JAK2: variants seen among roughly 807,000 people sequenced by gnomAD.
JAK2 encodes the protein Janus kinase 2, also known as tyrosine-protein kinase JAK2.
JAK2 carries 86 observed loss-of-function variants against 139.3 expected under a neutral mutation model. That is an observed-to-expected ratio of 0.62 (90% CI 0.52 to 0.74). The LOEUF is 0.74. JAK2 is among the 30% of genes least tolerant of loss of function. The pLI is 0.00. For synonymous variants in JAK2, 490 were observed against 437.7 expected, an observed-to-expected ratio of 1.12 and a Z score of -1.49; for missense variants, 1,421 against 1,360.3, an observed-to-expected ratio of 1.04 and a Z score of -0.70.
chr9:5,032,020 G>T (rs1305891711), intron 4 of JAK2, among the ~76,000 whole-genome samples: 1 of 152,242 alleles, frequency 6.6e-6, no homozygotes, highest in Non-Finnish European at 1.5e-5. Context: ...TCAAAGAAAG[G>T]GGTGACAGAC....
At chr9:5,113,441 A>T (rs1449571727) in intron 22 of JAK2, 3 of 114,954 alleles carry the variant, frequency 2.6e-5, no homozygotes, top group African/African-American at 8.4e-5. Context: ...AAAAAAAAAA[A>T]AAAAAAAACC....
Position 5,128,588 on chromosome 9 carries a change from G to GAACT in JAK2, c.*1802_*1805dup, listed in dbSNP as rs1325059527. 6.6e-6 allele frequency among the ~76,000 whole-genome samples: 1 copy of GAACT among 151,814 alleles called. No homozygotes were observed. The highest frequency in any genetic ancestry group is 1.5e-5 in the Non-Finnish European group (1 of 67,746). On this transcript the variant is annotated 3_prime_UTR_variant, in exon 25 of 25. Transcript: ENST00000381652. ...AACATTGCTTTTTAAAACAAGATGT[G>GAACT]AACTAACTTTTCTTAAACATTTTTT...
intron 22 of JAK2, among the ~76,000 whole-genome samples, chr9:5,106,315 A>G (rs947530814): frequency 6.6e-6 from 1 of 152,278 alleles, no homozygotes; most frequent in Non-Finnish European, 1.5e-5. Context: ...ATCACTGGTC[A>G]TCAGAGAAAT....
At chr9:5,073,913 T>C in intron 14 of JAK2, 128 bp downstream of exon 14, 1 of 637,802 alleles carries the variant, frequency 1.6e-6, no homozygotes, top group Non-Finnish European at 2.7e-6. Context: ...TTAAGTATTT[T>C]TGAAACTGAA....
chr9:5,038,037 T>C (rs1253413946), intron 4 of JAK2, among the ~76,000 whole-genome samples: 1 of 152,226 alleles, frequency 6.6e-6, no homozygotes, highest in Non-Finnish European at 1.5e-5. Context: ...CTTTAGCACA[T>C]AGTTACAACT....
chr9:5,044,754 T>C (rs1296823810), intron 5 of JAK2, among the ~76,000 whole-genome samples: 18 of 152,358 alleles, frequency 1.2e-4, no homozygotes. Flanking sequence ...TTGAATTTCT[T>C]TCTTTTTTAG....
intron 22 of JAK2, among the ~76,000 whole-genome samples, chr9:5,106,262 GA>G (rs1821944578): frequency 6.6e-6 from 1 of 152,194 alleles, no homozygotes; most frequent in East Asian, 1.9e-4. Context: ...CTTCTCAAAA[GA>G]AGGCATTTAT....
chr9:5,083,031 A>G (rs1819822324), intron 19 of JAK2, among the ~76,000 whole-genome samples: 3 of 152,226 alleles, frequency 2.0e-5, no homozygotes, highest in Admixed American at 6.5e-5. Context: ...TTTAACATGT[A>G]ATGTGCATGA....
At chr9:5,110,167 C>G (rs1822332619) in intron 22 of JAK2, 1 of 152,214 alleles carries the variant, frequency 6.6e-6, no homozygotes, top group Admixed American at 6.5e-5. Flanking sequence ...TGACTTCCAT[C>G]CGCCATAGAA....
At chr9:4,997,720 T>C (rs993862729) in intron 2 of JAK2, among the ~76,000 whole-genome samples, 8 of 152,180 alleles carry the variant, frequency 5.3e-5, no homozygotes, top group Non-Finnish European at 1.2e-4. Flanking sequence ...AGGTTTGATA[T>C]GGAAAGATTC....
At chr9:5,091,118 G>T in intron 22 of JAK2, 1 of 418,868 alleles carries the variant, frequency 2.4e-6, no homozygotes, top group Non-Finnish European at 4.2e-6. Context: ...TTTCTATTAA[G>T]TGTTGTCTTA....
At chr9:5,021,938 G>C in intron 2 of JAK2, 25 bp from the exon 3 acceptor site, 1 of 1,414,320 alleles carries the variant, frequency 7.1e-7, no homozygotes, top group Non-Finnish European at 1.0e-6. Flanking sequence ...CAGCCCATTT[G>C]TAACTTTATT....
intron 2 of JAK2, among the ~76,000 whole-genome samples, chr9:5,009,579 C>G (rs1443638872): frequency 6.6e-6 from 1 of 152,122 alleles, no homozygotes; most frequent in Non-Finnish European, 1.5e-5. Flanking sequence ...CCTGCATTAT[C>G]TGTTTCTTCT....
intron 22 of JAK2, chr9:5,108,805 T>G (rs1342004583): frequency 6.6e-6 from 1 of 152,110 alleles, no homozygotes; most frequent in Non-Finnish European, 1.5e-5. Flanking sequence ...CATATACCAC[T>G]TGTCATCATA....
Position 5,029,797 on chromosome 9 carries a change from T to C in JAK2, c.241T>C (p.Tyr81His), listed in dbSNP as rs1438069581. The C allele has an allele frequency of 6.2e-7, 1 of 1,610,914 alleles. No individual in the cohort carries two copies. Among genetic ancestry groups the C allele is most frequent in the South Asian group, 1.1e-5 (1 of 90,704 alleles). Residue 81 changes from tyrosine to histidine, a missense_variant, in exon 4 of 25, where the codon TAT (tyrosine) becomes CAT (histidine). Coordinates refer to ENST00000381652, the MANE Select transcript of JAK2 (RefSeq NM_004972.4). ...TTCTTTTCTAGGTATCACACCTGTGTATCATAATATGTTTGCTTTAATGAG... is the reference window on the plus strand; with the variant it reads ...TTCTTTTCTAGGTATCACACCTGTGCATCATAATATGTTTGCTTTAATGAG... ...ASKACGITPV[Y>H]HNMFALMSET...
chr9:5,091,980 C>T (rs757918396), intron 22 of JAK2, among the ~76,000 whole-genome samples: 10 of 151,902 alleles, frequency 6.6e-5, no homozygotes, highest in South Asian at 2.1e-4. Context: ...ATGAGGAATC[C>T]GGCGAAGATA....
intron 22 of JAK2, chr9:5,096,588 G>A (rs1319923494): frequency 6.6e-6 from 1 of 152,064 alleles, no homozygotes; most frequent in Non-Finnish European, 1.5e-5. Context: ...CCTCAGGGCT[G>A]GTAAAAAGAG....
chr9:4,999,493 T>G lies in JAK2; in HGVS notation c.-26+13471T>G, dbSNP rs117097020. On this transcript the variant is annotated intron_variant, in intron 2 of 24. Coordinates refer to ENST00000381652, the MANE Select transcript of JAK2 (RefSeq NM_004972.4). ...AATGCTTATTGTGATTGACAGAACT[T>G]GCTTAACATATTAGGGTTCTCTAGA... Among the ~76,000 whole-genome samples, 1,223 of 152,310 alleles carry G rather than the reference T, an allele frequency of 8.0e-3. 8 individuals carry two copies. Among genetic ancestry groups the G allele is most frequent in the Non-Finnish European group, 0.012 (842 of 68,014 alleles).
chr9:5,049,974 C>T (rs957655474), intron 5 of JAK2, among the ~76,000 whole-genome samples: 1 of 152,146 alleles, frequency 6.6e-6, no homozygotes, highest in Admixed American at 6.5e-5. Flanking sequence ...ATGGAACCAT[C>T]GTTATATATG....
Sources: allele counts gnomAD v4.1 joint callset (sites outside exome capture counted in the v4.1 genomes callset), GRCh38; gene constraint gnomAD v4.1.1; transcripts MANE v1.5; gene names NCBI Gene and HGNC (gene_info 2026-07-23, HGNC 2026-07-21).